The following GALNT7 variants were observed in gnomAD, a reference collection of about 807,000 sequenced individuals.
GALNT7 encodes the protein polypeptide N-acetylgalactosaminyltransferase 7, also known as N-acetylgalactosaminyltransferase 7.
Under a neutral mutation model 82.1 loss-of-function variants are expected in GALNT7, and 60 were observed. The observed-to-expected ratio is 0.73, with a 90% CI of 0.59 to 0.91. The LOEUF is 0.91. Ranked by LOEUF, GALNT7 falls within the 40% of genes least tolerant of loss-of-function variation. GALNT7 has a pLI of 0.00. For missense variants in GALNT7, 660 were observed against 804.2 expected (o/e 0.82, Z 2.17); for synonymous variants, 243 against 275.1 (o/e 0.88, Z 1.15).
intron 1 of GALNT7, among the ~76,000 whole-genome samples, chr4:173,195,839 G>C (rs1732755142): frequency 6.6e-6 from 1 of 152,232 alleles, no homozygotes; most frequent in Admixed American, 6.5e-5. Context: ...TGAGGACAAA[G>C]AGAGTGCACA....
chr4:173,305,584 T>A lies in GALNT7; in HGVS notation c.1389+1466T>A, dbSNP rs191190886. Among the ~76,000 whole-genome samples, 304 of 152,320 alleles carry A rather than the reference T, an allele frequency of 2.0e-3. 2 individuals are homozygous for A. Among genetic ancestry groups the A allele is most frequent in the African/African-American group, 7.0e-3 (292 of 41,584 alleles). On this transcript the variant is annotated intron_variant, in intron 8 of 11. Transcript: ENST00000265000. ...TCCATTTTGAGTTGATTTTTATATA[T>A]GGTGTGAGATGAAGGTCTAGTTTCA...
At chr4:173,212,233 T>A (rs1431473085) in intron 1 of GALNT7, among the ~76,000 whole-genome samples, 1 of 152,228 alleles carries the variant, frequency 6.6e-6, no homozygotes, top group African/African-American at 2.4e-5. Context: ...GATTATCTAG[T>A]TTTATTTCAT....
At chr4:173,183,759 G>C (rs1201778441) in intron 1 of GALNT7, among the ~76,000 whole-genome samples, 2 of 150,958 alleles carry the variant, frequency 1.3e-5, no homozygotes, top group African/African-American at 4.9e-5. Flanking sequence ...CCTCCCGGAC[G>C]GGGCGGCTGG....
At chr4:173,288,099 C>T (rs1245991328) in intron 2 of GALNT7, among the ~76,000 whole-genome samples, 6 of 151,164 alleles carry the variant, frequency 4.0e-5, no homozygotes, top group Middle Eastern at 3.4e-3. Context: ...CTGGCTAACA[C>T]GGTGAAACCC....
intron 9 of GALNT7, chr4:173,315,844 T>C (rs528030256): frequency 6.6e-6 from 1 of 152,358 alleles, no homozygotes; most frequent in East Asian, 1.9e-4. Flanking sequence ...TTGAACTTCC[T>C]ATCTCCTCCC....
intron 1 of GALNT7, among the ~76,000 whole-genome samples, chr4:173,178,046 T>TGCGCGC (rs1198017327): frequency 1.5e-3 from 153 of 105,354 alleles, no homozygotes; most frequent in African/African-American, 4.3e-3. Context: ...TGTGTGTGTG[T>TGCGCGC]GTGTGTGCGC....
intron 1 of GALNT7, among the ~76,000 whole-genome samples, chr4:173,237,238 T>C (rs1734265131): frequency 1.3e-5 from 2 of 152,250 alleles, no homozygotes; most frequent in Admixed American, 1.3e-4. Context: ...GGTTATCATA[T>C]ACCAATCATA....
At chr4:173,201,138 C>G (rs1269658638) in intron 1 of GALNT7, among the ~76,000 whole-genome samples, 1 of 152,114 alleles carries the variant, frequency 6.6e-6, no homozygotes, top group African/African-American at 2.4e-5. Flanking sequence ...TATTTTGAAC[C>G]TACTTTTAAC....
chr4:173,270,393 T>A (rs1735678948), intron 2 of GALNT7, among the ~76,000 whole-genome samples: 1 of 152,080 alleles, frequency 6.6e-6, no homozygotes, highest in Non-Finnish European at 1.5e-5. Context: ...TTGTGACAAG[T>A]GTTTTGGGGA....
intron 6 of GALNT7, among the ~76,000 whole-genome samples, chr4:173,301,164 A>G (rs957753040): frequency 1.3e-4 from 19 of 151,946 alleles, no homozygotes; most frequent in African/African-American, 4.6e-4. Context: ...TTCAAGGTAG[A>G]ATCAATGGAA....
intron 8 of GALNT7, among the ~76,000 whole-genome samples, chr4:173,310,370 A>T (rs1202122661): frequency 1.3e-5 from 2 of 152,046 alleles, no homozygotes; most frequent in Admixed American, 6.5e-5. Context: ...TAGCTCTTCA[A>T]TCCATCCCTT....
At chr4:173,179,269 C>T (rs1162767086) in intron 1 of GALNT7, among the ~76,000 whole-genome samples, 1 of 152,132 alleles carries the variant, frequency 6.6e-6, no homozygotes, top group African/African-American at 2.4e-5. Flanking sequence ...TCACTCTTAT[C>T]AGAAGTTGGG....
intron 9 of GALNT7, 131 bp downstream of exon 9, chr4:173,314,307 C>G (rs1299757183): frequency 1.5e-6 from 1 of 661,968 alleles, no homozygotes; most frequent in African/African-American, 1.8e-5. Flanking sequence ...ATAGGATCTA[C>G]CACCTTTCCA....
At chr4:173,254,389 A>T (rs1734951040) in intron 2 of GALNT7, among the ~76,000 whole-genome samples, 1 of 152,190 alleles carries the variant, frequency 6.6e-6, no homozygotes, top group Admixed American at 6.5e-5. Context: ...TTTGATATCT[A>T]CCAAGCTATT....
At chr4:173,182,153 T>A (rs183412503) in intron 1 of GALNT7, among the ~76,000 whole-genome samples, 2 of 152,338 alleles carry the variant, frequency 1.3e-5, no homozygotes, top group East Asian at 1.9e-4. Context: ...TGCAACTACT[T>A]CTTTAGCTTA....
chr4:173,195,828 G>T (rs2126645487), intron 1 of GALNT7, among the ~76,000 whole-genome samples: 1 of 152,326 alleles, frequency 6.6e-6, no homozygotes, highest in East Asian at 1.9e-4. Context: ...GGATTTAATA[G>T]TGAGGACAAA....
At position 173,321,937 on chromosome 4, in the gene GALNT7, A is replaced by C. The variant is rs762164660; in HGVS notation, c.*220A>C. 4.9e-6 allele frequency: 2 copies of C among 409,424 alleles called. No individual in the cohort carries two copies. The highest frequency in any genetic ancestry group is 8.9e-6 in the Non-Finnish European group (2 of 223,568). 25.4% of individuals were successfully genotyped at this position (409,424 alleles called of 1,614,324 possible). Reference sequence around the variant, plus strand: ...ACTGCTTTTACCTTAAACTTTGTAGATGTTTACATCTTTTTGTTGTGTTTT... The same window carrying C: ...ACTGCTTTTACCTTAAACTTTGTAGCTGTTTACATCTTTTTGTTGTGTTTT... On this transcript the variant is annotated 3_prime_UTR_variant, in exon 12 of 12. Coordinates refer to ENST00000265000, the MANE Select transcript of GALNT7 (RefSeq NM_017423.3).
At chr4:173,237,870 G>T (rs1734288141) in intron 1 of GALNT7, among the ~76,000 whole-genome samples, 1 of 152,072 alleles carries the variant, frequency 6.6e-6, no homozygotes, top group Non-Finnish European at 1.5e-5. Context: ...AGCTCTTCTA[G>T]GTACTAAAGT....
At chr4:173,258,350 C>T (rs78168774) in intron 2 of GALNT7, among the ~76,000 whole-genome samples, 1,746 of 152,240 alleles carry the variant, frequency 0.011, 15 homozygotes, top group Middle Eastern at 0.048. Flanking sequence ...CATAGAGTGG[C>T]CCAGAAAGGG....
Sources: allele counts gnomAD v4.1 joint callset (sites outside exome capture counted in the v4.1 genomes callset), GRCh38; gene constraint gnomAD v4.1.1; transcripts MANE v1.5; gene names NCBI Gene and HGNC (gene_info 2026-07-23, HGNC 2026-07-21).